TET1: variants seen among roughly 807,000 people sequenced by gnomAD.
TET1 encodes methylcytosine dioxygenase TET1.
In TET1, 13 loss-of-function variants were observed where a neutral mutation model predicts 148.7. The observed-to-expected ratio is 0.09, with a 90% CI of 0.06 to 0.14. The LOEUF is 0.14. Among genes scored for constraint, TET1 ranks in the 10% least tolerant of loss-of-function variants. TET1 has a pLI of 1.00. For synonymous variants in TET1, 907 were observed against 937.2 expected (o/e 0.97, Z 0.59); for missense variants, 2,182 against 2,553.8 (o/e 0.85, Z 3.14).
intron 3 of TET1, among the ~76,000 whole-genome samples, chr10:68,628,296 G>T (rs554639516): frequency 7.2e-5 from 11 of 152,154 alleles, no homozygotes; most frequent in Non-Finnish European, 1.0e-4. Context: ...TGCAATAAAG[G>T]CCACTAAATC....
intron 6 of TET1, among the ~76,000 whole-genome samples, chr10:68,653,893 G>A (rs1420469264): frequency 2.6e-5 from 4 of 151,988 alleles, no homozygotes; most frequent in African/African-American, 2.4e-5. Context: ...GATCACCAGA[G>A]GTCAGGAGTT....
At chr10:68,686,923 T>A (rs899386030) in intron 11 of TET1, among the ~76,000 whole-genome samples, 7 of 151,820 alleles carry the variant, frequency 4.6e-5, no homozygotes, top group Non-Finnish European at 8.8e-5. Flanking sequence ...AGTCTTGCTC[T>A]GTCACCCAGG....
At chr10:68,663,208 C>G (rs766953363) in intron 6 of TET1, among the ~76,000 whole-genome samples, 7 of 152,154 alleles carry the variant, frequency 4.6e-5, no homozygotes, top group Non-Finnish European at 7.3e-5. Context: ...CTTAGAAGCA[C>G]GCTAAATTTG....
Position 68,686,312 on chromosome 10 carries a change from A to G in TET1, c.5053-44A>G, listed in dbSNP as rs199575547. ...GTAGGAATAGCCACAATGAATGTGCACGACCCGTATATCTTTCCCATTTCA... is the reference window on the plus strand; with the variant it reads ...GTAGGAATAGCCACAATGAATGTGCGCGACCCGTATATCTTTCCCATTTCA... On this transcript the variant is annotated intron_variant, in intron 10 of 11. Coordinates refer to ENST00000373644, the MANE Select transcript of TET1 (RefSeq NM_030625.3). 18 of 1,499,356 alleles carry G rather than the reference A, an allele frequency of 1.2e-5. No individual in the cohort carries two copies. The Admixed American group carries it at 2.9e-4, about 24-fold the overall frequency. The allele number at this position is 1,499,356 out of a possible 1,614,324, so 92.9% of individuals were successfully genotyped here.
At chr10:68,576,027 A>C (rs1590162371) in intron 2 of TET1, among the ~76,000 whole-genome samples, 2 of 150,684 alleles carry the variant, frequency 1.3e-5, no homozygotes, top group African/African-American at 2.4e-5. Flanking sequence ...CTCAAAAAAA[A>C]AAAAAAATTA....
intron 3 of TET1, among the ~76,000 whole-genome samples, chr10:68,640,544 C>CTTTTTTTTTTTTTTTTTTTTTTTTTTT (rs60460824): frequency 7.0e-5 from 3 of 42,884 alleles, no homozygotes; most frequent in Non-Finnish European, 1.2e-4. Flanking sequence ...TTCTTTCTTT[C>CTTTTTTTTTTTTTTTTTTTTTTTTTTT]TTTTTTTTTT....
intron 3 of TET1, among the ~76,000 whole-genome samples, chr10:68,612,484 C>T (rs950035756): frequency 4.6e-5 from 7 of 151,968 alleles, no homozygotes; most frequent in South Asian, 4.2e-4. Context: ...CACTGATCCC[C>T]GGAGTTTGAG....
intron 2 of TET1, among the ~76,000 whole-genome samples, chr10:68,577,742 G>A (rs1341673908): frequency 6.6e-6 from 1 of 152,162 alleles, no homozygotes; most frequent in East Asian, 1.9e-4. Flanking sequence ...CTGGAGGGGG[G>A]CGTTGCAGTG....
chr10:68,681,199 A>G (rs1431689009), intron 8 of TET1, among the ~76,000 whole-genome samples, 200 bp from the exon 9 acceptor site: 2 of 152,226 alleles, frequency 1.3e-5, no homozygotes, highest in African/African-American at 4.8e-5. Flanking sequence ...TTTTCATTTC[A>G]AAAGACTTCA....
chr10:68,629,988 G>A (rs1460639149), intron 3 of TET1, among the ~76,000 whole-genome samples: 2 of 152,194 alleles, frequency 1.3e-5, no homozygotes, highest in Non-Finnish European at 2.9e-5. Flanking sequence ...ATTAGGTTCT[G>A]AAAATATTTG....
intron 2 of TET1, among the ~76,000 whole-genome samples, chr10:68,591,669 G>A (rs1241394473): frequency 2.0e-5 from 3 of 152,152 alleles, no homozygotes; most frequent in Admixed American, 6.6e-5. Context: ...TTGGATGACC[G>A]AGGTGGGTGG....
intron 8 of TET1, among the ~76,000 whole-genome samples, chr10:68,679,459 A>G (rs2055406939): frequency 6.6e-6 from 1 of 152,228 alleles, no homozygotes; most frequent in Non-Finnish European, 1.5e-5. Flanking sequence ...TCCAGTGTTC[A>G]TATCAATAGC....
At chr10:68,656,745 G>T (rs2055027116) in intron 6 of TET1, among the ~76,000 whole-genome samples, 2 of 152,194 alleles carry the variant, frequency 1.3e-5, no homozygotes, top group Admixed American at 6.5e-5. Context: ...GTATTTTAGG[G>T]CTGGGTGAGG....
intron 3 of TET1, among the ~76,000 whole-genome samples, chr10:68,629,898 A>G (rs2054543939): frequency 6.6e-6 from 1 of 152,142 alleles, no homozygotes; most frequent in South Asian, 2.1e-4. Flanking sequence ...CTAAAACAAT[A>G]TGAACGATTG....
chr10:68,645,640 A>T lies in TET1; in HGVS notation c.2911A>T (p.Asn971Tyr). The stretch of plus-strand genomic sequence containing the variant: ...AAGTTCATGCAACACGGTGGTTTTC[A>T]ATGGGCAAACTACTACCCTTTCCAA... ...KQSSCNTVVF[N>Y]GQTTTLSNSH... Residue 971 changes from asparagine (N) to tyrosine (Y), a missense_variant, in exon 4 of 12, where the codon AAT becomes TAT. Coordinates refer to ENST00000373644, the MANE Select transcript of TET1 (RefSeq NM_030625.3). 1.2e-6 allele frequency: 2 copies of T among 1,614,214 alleles called. No individual in the cohort carries two copies. Among genetic ancestry groups the T allele is most frequent in the South Asian group, 2.2e-5 (2 of 91,086 alleles).
At chr10:68,665,257 T>A (rs2055181058) in intron 6 of TET1, among the ~76,000 whole-genome samples, 1 of 142,800 alleles carries the variant, frequency 7.0e-6, no homozygotes, top group African/African-American at 2.6e-5. Flanking sequence ...TCATAAACTT[T>A]GGAACAATTG....
intron 3 of TET1, among the ~76,000 whole-genome samples, chr10:68,617,312 C>T (rs1483660282): frequency 3.3e-5 from 5 of 151,968 alleles, no homozygotes; most frequent in Non-Finnish European, 7.4e-5. Context: ...GCGTTAGCCA[C>T]CGCGCCTGGC....
At chr10:68,657,469 C>A (rs12255614) in intron 6 of TET1, among the ~76,000 whole-genome samples, 10,094 of 152,156 alleles carry the variant, frequency 0.066, 1,127 homozygotes, top group African/African-American at 0.23. Flanking sequence ...AGCCACCACG[C>A]CCGGCCAAAA....
At chr10:68,674,423 T>C (rs571678485) in intron 8 of TET1, 6 of 332,270 alleles carry the variant, frequency 1.8e-5, no homozygotes, top group Non-Finnish European at 3.5e-5. Flanking sequence ...TGAAAGCATC[T>C]GCCATGTTCA....
Sources: allele counts gnomAD v4.1 joint callset (sites outside exome capture counted in the v4.1 genomes callset), GRCh38; gene constraint gnomAD v4.1.1; transcripts MANE v1.5; gene names NCBI Gene and HGNC (gene_info 2026-07-23, HGNC 2026-07-21).